Variants in MRRF observed in about 807,000 individuals in gnomAD.
MRRF encodes ribosome-recycling factor, mitochondrial.
MRRF carries 18 observed loss-of-function variants against 25.1 expected under a neutral mutation model. That is an observed-to-expected ratio of 0.72 (90% CI 0.50 to 1.06). The LOEUF (loss-of-function observed/expected upper bound fraction) is 1.06, where lower values mean the gene tolerates loss of function less well. Among genes scored for constraint, MRRF ranks in the 50% least tolerant of loss-of-function variants. The pLI, the probability that MRRF is intolerant of heterozygous loss-of-function variation, is 0.00. For synonymous variants in MRRF, 113 were observed against 112.1 expected (o/e 1.01, Z -0.05); for missense variants, 323 against 319.3 (o/e 1.01, Z -0.09).
At chr9:122,301,290 G>A (rs1213820239) in intron 5 of MRRF, among the ~76,000 whole-genome samples, 1 of 152,180 alleles carries the variant, frequency 6.6e-6, no homozygotes, top group Non-Finnish European at 1.5e-5. Flanking sequence ...TTTTTCCAGG[G>A]AGAGCAAGCT....
intron 5 of MRRF, 53 bp downstream of exon 5, chr9:122,291,893 G>C: frequency 7.8e-7 from 1 of 1,284,906 alleles, no homozygotes; most frequent in Non-Finnish European, 1.1e-6. Flanking sequence ...GTTGTCCTTG[G>C]AAGGAAACCA....
rs1836116065 is a variant in MRRF, at chr9:122,325,676, G to GTGTGTA, written c.*3064_*3065insATGTGT. 1 of 134,768 alleles carries GTGTGTA rather than the reference G, an allele frequency of 7.4e-6. No individual in the cohort carries two copies. Among genetic ancestry groups the GTGTGTA allele is most frequent in the Non-Finnish European group, 1.6e-5 (1 of 61,976 alleles). The allele number at this position is 134,768 out of a possible 1,614,324, so 8.3% of individuals were successfully genotyped here. On this transcript the variant is annotated 3_prime_UTR_variant, in exon 7 of 7. Coordinates refer to ENST00000344641, the MANE Select transcript of MRRF (RefSeq NM_138777.5). The stretch of plus-strand genomic sequence containing the variant: ...TGTGTGTGTGTGTGTGTGTGTGTGT[G>GTGTGTA]TGTGTGTGTTGGAAATTACAAAATA...
Position 122,325,447 on chromosome 9 carries a change from G to A in MRRF, c.*2830G>A, listed in dbSNP as rs1836105124. ...ACCTGTTTGGATGTGCTGAGAATGA[G>A]TAATGCTGGAGCAATTCATTCTCCA... is the stretch of plus-strand genomic sequence containing the variant. On this transcript the variant is annotated 3_prime_UTR_variant, in exon 7 of 7. Coordinates refer to ENST00000344641, the MANE Select transcript of MRRF (RefSeq NM_138777.5). 1 of 152,188 alleles carries A rather than the reference G, an allele frequency of 6.6e-6. No homozygotes were observed. Among genetic ancestry groups the A allele is most frequent in the African/African-American group, 2.4e-5 (1 of 41,446 alleles). 9.4% of individuals were successfully genotyped at this position (152,188 alleles called of 1,614,324 possible).
At chr9:122,268,966 C>A (rs546900414) in intron 1 of MRRF, among the ~76,000 whole-genome samples, 1 of 151,926 alleles carries the variant, frequency 6.6e-6, no homozygotes, top group Admixed American at 6.6e-5. Flanking sequence ...GAGATCGAGA[C>A]CAACCTGGCT....
chr9:122,318,164 C>A (rs1011536098), intron 6 of MRRF, among the ~76,000 whole-genome samples: 3 of 151,942 alleles, frequency 2.0e-5, no homozygotes, highest in Non-Finnish European at 4.4e-5. Flanking sequence ...TGAAATGATT[C>A]ATTTGTAGGT....
Position 122,281,660 on chromosome 9 carries a change from C to G in MRRF, c.340+1062C>G, listed in dbSNP as rs1833099482. ...AAACTGATAAAGTGCTCTGTCTCCCCTGTGTTTTCTGGCCTGTTAACATTC... is the reference window on the plus strand; with the variant it reads ...AAACTGATAAAGTGCTCTGTCTCCCGTGTGTTTTCTGGCCTGTTAACATTC... On this transcript the variant is annotated intron_variant, in intron 3 of 6. Transcript: ENST00000344641. 2.0e-5 allele frequency among the ~76,000 whole-genome samples: 3 copies of G among 152,172 alleles called. No individual in the cohort carries two copies. The South Asian group carries it at 6.2e-4, about 32-fold the overall frequency.
chr9:122,267,749 TATC>T (rs1832203846), intron 1 of MRRF, among the ~76,000 whole-genome samples: 2 of 152,286 alleles, frequency 1.3e-5, no homozygotes, highest in African/African-American at 2.4e-5. Context: ...ACTTCAGGGT[TATC>T]ATGAGGCTGA....
chr9:122,267,698 T>G (rs1164860260), intron 1 of MRRF, among the ~76,000 whole-genome samples: 1 of 152,222 alleles, frequency 6.6e-6, no homozygotes, highest in Non-Finnish European at 1.5e-5. Flanking sequence ...GATTTTTGCT[T>G]CTGTTTTCTT....
chr9:122,320,411 A>G (rs1004127078), intron 6 of MRRF, among the ~76,000 whole-genome samples: 3 of 152,112 alleles, frequency 2.0e-5, no homozygotes, highest in African/African-American at 7.2e-5. Flanking sequence ...CCCAGTCCCC[A>G]TCCCTGTCCC....
At chr9:122,315,951 A>G (rs766494149) in intron 6 of MRRF, among the ~76,000 whole-genome samples, 2 of 152,152 alleles carry the variant, frequency 1.3e-5, no homozygotes, top group Non-Finnish European at 2.9e-5. Context: ...TCCTCTTCAG[A>G]TTAAATTTTT....
intron 3 of MRRF, among the ~76,000 whole-genome samples, chr9:122,280,883 G>A (rs748403854): frequency 3.9e-5 from 6 of 152,170 alleles, no homozygotes; most frequent in Non-Finnish European, 7.3e-5. Context: ...TTGGAACTAG[G>A]CATTGTGCTA....
At chr9:122,278,593 C>A (rs1340145179) in intron 2 of MRRF, among the ~76,000 whole-genome samples, 1 of 152,264 alleles carries the variant, frequency 6.6e-6, no homozygotes, top group Non-Finnish European at 1.5e-5. Context: ...GTATTTCATT[C>A]ATAAATATTA....
Position 122,291,856 on chromosome 9 carries a change from A to AT in MRRF, c.551+18dup. On this transcript the variant is annotated intron_variant, in intron 5 of 6. Transcript: ENST00000344641. ...CCATTCCCCAGTAAGTTTGGCTGAA[A>AT]TTCACATATTTTGATGAAACGGGGT... 1.3e-6 allele frequency: 2 copies of AT among 1,583,526 alleles called. No individual in the cohort carries two copies. The highest frequency in any genetic ancestry group is 1.3e-5 in the African/African-American group (1 of 74,388).
intron 5 of MRRF, among the ~76,000 whole-genome samples, chr9:122,301,606 A>G (rs1371589948): frequency 6.6e-6 from 1 of 152,226 alleles, no homozygotes; most frequent in Non-Finnish European, 1.5e-5. Flanking sequence ...TTCGGACAGC[A>G]GTATAGGTCT....
chr9:122,289,207 G>C (rs1344471801), intron 4 of MRRF, among the ~76,000 whole-genome samples: 2 of 152,164 alleles, frequency 1.3e-5, no homozygotes, highest in African/African-American at 2.4e-5. Flanking sequence ...AAAAGTTTAA[G>C]TATAAAATAA....
At position 122,313,079 on chromosome 9, in the gene MRRF, C is replaced by T. The variant is rs778859848; in HGVS notation, c.552-148C>T. Reference sequence around the variant, plus strand: ...GGGCAACTTAAAGCCTTTATACATGCGTTTTCCTCCTCCTGGAAATTCCAG... The same window carrying T: ...GGGCAACTTAAAGCCTTTATACATGTGTTTTCCTCCTCCTGGAAATTCCAG... On this transcript the variant is annotated intron_variant, in intron 5 of 6. Transcript: ENST00000344641. 7.2e-6 allele frequency: 6 copies of T among 832,688 alleles called. No homozygotes were observed. The East Asian group carries it at 1.1e-4, about 15-fold the overall frequency. 51.6% of individuals were successfully genotyped at this position (832,688 alleles called of 1,614,324 possible). A position where few individuals can be genotyped will look rare whatever the true frequency, so the allele number is the denominator to read the frequency against.
At chr9:122,314,628 T>G (rs539375845) in intron 6 of MRRF, among the ~76,000 whole-genome samples, 1 of 152,204 alleles carries the variant, frequency 6.6e-6, no homozygotes, top group African/African-American at 2.4e-5. Context: ...TCTCAGGTGA[T>G]TCTCATACAG....
chr9:122,273,800 G>A lies in MRRF; in HGVS notation c.184+2725G>A, dbSNP rs1832611552. ...TTTGTGACGTCAGTATGGATTTTGT[G>A]TCTGACTTCTGTGGTAATAATCTAT... On this transcript the variant is annotated intron_variant, in intron 2 of 6. Coordinates refer to ENST00000344641, the MANE Select transcript of MRRF (RefSeq NM_138777.5). Among the ~76,000 whole-genome samples, 4 of 152,126 alleles carry A rather than the reference G, an allele frequency of 2.6e-5. No individual in the cohort carries two copies. The South Asian group carries it at 8.3e-4, about 32-fold the overall frequency.
chr9:122,307,833 T>C (rs113708949), intron 5 of MRRF, among the ~76,000 whole-genome samples: 1 of 152,202 alleles, frequency 6.6e-6, no homozygotes, highest in Admixed American at 6.5e-5. Context: ...CCAAAGAGCC[T>C]TCTGAAGTTG....
Sources: allele counts gnomAD v4.1 joint callset (sites outside exome capture counted in the v4.1 genomes callset), GRCh38; gene constraint gnomAD v4.1.1; transcripts MANE v1.5; gene names NCBI Gene and HGNC (gene_info 2026-07-23, HGNC 2026-07-21).